The following LRRC4C variants were observed in gnomAD, a reference collection of about 807,000 sequenced individuals.
LRRC4C encodes the protein leucine rich repeat containing 4C, also known as leucine-rich repeat-containing protein 4C.
LRRC4C carries 5 observed loss-of-function variants against 33.6 expected under a neutral mutation model. That is an observed-to-expected ratio of 0.15 (90% confidence interval 0.08 to 0.31). The LOEUF (loss-of-function observed/expected upper bound fraction) is 0.31, where lower values mean the gene tolerates loss of function less well. Among genes scored for constraint, LRRC4C ranks in the 10% least tolerant of loss-of-function variants. LRRC4C has a pLI of 1.00. For missense variants in LRRC4C, 560 were observed against 796.7 expected, an observed-to-expected ratio of 0.70 and a Z score of 3.58; for synonymous variants, 329 against 302.0, an observed-to-expected ratio of 1.09 and a Z score of -0.93.
intron 1 of LRRC4C, among the ~76,000 whole-genome samples, chr11:41,387,110 G>A (rs1173399248): frequency 6.6e-6 from 1 of 151,722 alleles, no homozygotes; most frequent in Non-Finnish European, 1.5e-5. Context: ...TGCAAAGCAG[G>A]CTCCTGGGGT....
At chr11:40,532,958 C>T (rs761908497) in intron 3 of LRRC4C, among the ~76,000 whole-genome samples, 9 of 152,050 alleles carry the variant, frequency 5.9e-5, no homozygotes, top group Non-Finnish European at 1.3e-4. Context: ...GGAGGAACTA[C>T]CAAACACTTA....
chr11:40,611,509 G>A (rs776382449), intron 3 of LRRC4C, among the ~76,000 whole-genome samples: 4 of 151,694 alleles, frequency 2.6e-5, no homozygotes, highest in African/African-American at 9.7e-5. Context: ...AGCAAAACTA[G>A]AAAAATGAGA....
chr11:40,304,647 C>T (rs960069385), intron 4 of LRRC4C, among the ~76,000 whole-genome samples: 1 of 152,032 alleles, frequency 6.6e-6, no homozygotes, highest in African/African-American at 2.4e-5. Flanking sequence ...TCTTATTATA[C>T]CAGAAATAAA....
At chr11:41,131,802 A>G (rs1943025372) in intron 1 of LRRC4C, among the ~76,000 whole-genome samples, 1 of 152,122 alleles carries the variant, frequency 6.6e-6, no homozygotes, top group Non-Finnish European at 1.5e-5. Flanking sequence ...CTCACTGTTC[A>G]TTATACGCTA....
At chr11:41,410,481 C>G (rs541894354) in intron 1 of LRRC4C, among the ~76,000 whole-genome samples, 2 of 150,976 alleles carry the variant, frequency 1.3e-5, no homozygotes, top group Non-Finnish European at 3.0e-5. Flanking sequence ...GCGCTATCTC[C>G]GCTCCCGGGT....
At chr11:40,576,828 T>A (rs1958212340) in intron 3 of LRRC4C, among the ~76,000 whole-genome samples, 1 of 152,214 alleles carries the variant, frequency 6.6e-6, no homozygotes, top group Non-Finnish European at 1.5e-5. Context: ...TAGCTTTTCA[T>A]CTTTGTGGGT....
At chr11:40,833,833 T>C (rs1384549526) in intron 2 of LRRC4C, among the ~76,000 whole-genome samples, 3 of 152,160 alleles carry the variant, frequency 2.0e-5, no homozygotes, top group African/African-American at 7.2e-5. Flanking sequence ...GTGTGACTAA[T>C]ATTAATTTTA....
intron 2 of LRRC4C, among the ~76,000 whole-genome samples, chr11:40,753,567 G>C (rs1353284863): frequency 7.0e-6 from 1 of 143,246 alleles, no homozygotes; most frequent in Non-Finnish European, 1.5e-5. Flanking sequence ...TTGAGACAGA[G>C]TCTTGCTCTG....
rs559708532 is a variant in LRRC4C at position 40,157,107 on chromosome 11, C to A, written c.-95-16254G>T. On this transcript the variant is annotated intron_variant, in intron 5 of 6. Coordinates refer to ENST00000528697, the MANE Select transcript of LRRC4C (RefSeq NM_001258419.2). Reference sequence around the variant, plus strand: ...GCAGAATAGAGAACCCAGAAATAAACCCAGATACAGCCAACTGATCTCTGA... The same window carrying A: ...GCAGAATAGAGAACCCAGAAATAAAACCAGATACAGCCAACTGATCTCTGA... Among the ~76,000 whole-genome samples the A allele has an allele frequency of 9.9e-5, 15 of 151,572 alleles. No homozygotes were observed. In the South Asian group the frequency reaches 3.1e-3, roughly 32 times the overall value.
At chr11:41,114,568 C>CA (rs957133984) in intron 1 of LRRC4C, among the ~76,000 whole-genome samples, 1 of 151,906 alleles carries the variant, frequency 6.6e-6, no homozygotes, top group Non-Finnish European at 1.5e-5. Context: ...CACTTTCCCC[C>CA]AAAAAATCAG....
At chr11:40,211,292 G>A (rs568912876) in intron 5 of LRRC4C, among the ~76,000 whole-genome samples, 1 of 152,180 alleles carries the variant, frequency 6.6e-6, no homozygotes, top group East Asian at 1.9e-4. Flanking sequence ...AAGATAAACA[G>A]TAAGTTTTTA....
intron 1 of LRRC4C, among the ~76,000 whole-genome samples, chr11:40,948,817 A>C (rs1275450485): frequency 2.0e-5 from 3 of 151,602 alleles, no homozygotes; most frequent in South Asian, 2.1e-4. Flanking sequence ...GAATAGTGCC[A>C]CAATAAACAT....
intron 1 of LRRC4C, among the ~76,000 whole-genome samples, chr11:41,164,765 T>C (rs1188211506): frequency 6.6e-6 from 1 of 152,140 alleles, no homozygotes; most frequent in Admixed American, 6.6e-5. Flanking sequence ...TCTTGGAACA[T>C]GTCTGGGGTC....
At chr11:41,225,759 C>T (rs1253338937) in intron 1 of LRRC4C, among the ~76,000 whole-genome samples, 1 of 152,042 alleles carries the variant, frequency 6.6e-6, no homozygotes, top group Non-Finnish European at 1.5e-5. Flanking sequence ...AACAGATGGT[C>T]CCCAACAAAT....
chr11:40,767,035 GA>G (rs35118005), intron 2 of LRRC4C, among the ~76,000 whole-genome samples: 89,177 of 149,366 alleles, frequency 0.6, 26,954 homozygotes, highest in Middle Eastern at 0.67. Flanking sequence ...GCTGGATGGA[GA>G]AAAAAAAAAG....
intron 2 of LRRC4C, among the ~76,000 whole-genome samples, chr11:40,926,452 C>T (rs951870438): frequency 6.6e-6 from 1 of 152,140 alleles, no homozygotes; most frequent in African/African-American, 2.4e-5. Flanking sequence ...TGTCATCTAT[C>T]AGATTGGCAA....
intron 3 of LRRC4C, among the ~76,000 whole-genome samples, chr11:40,542,052 C>CTCTCTTTCTT (rs1555096424): frequency 1.3e-5 from 2 of 149,260 alleles, no homozygotes; most frequent in Admixed American, 1.3e-4. Context: ...TTCTCTTTCT[C>CTCTCTTTCTT]TCTTTCTTTC....
At chr11:40,127,562 G>A (rs1856346008) in intron 6 of LRRC4C, among the ~76,000 whole-genome samples, 1 of 152,192 alleles carries the variant, frequency 6.6e-6, no homozygotes, top group South Asian at 2.1e-4. Flanking sequence ...TTAAGCAGGA[G>A]AGGGAATGAT....
chr11:41,395,093 G>C (rs1953753017), intron 1 of LRRC4C, among the ~76,000 whole-genome samples: 2 of 151,790 alleles, frequency 1.3e-5, no homozygotes, highest in African/African-American at 4.8e-5. Flanking sequence ...CACAATCCTG[G>C]TTTAAATAGC....
Sources: gnomAD v4.1 joint callset for allele counts (sites outside exome capture counted in the v4.1 genomes callset) on GRCh38, gnomAD v4.1.1 for gene constraint, MANE v1.5 for transcripts, NCBI Gene and HGNC (gene_info 2026-07-23, HGNC 2026-07-21) for gene names.